Variants in DIAPH2 observed in about 807,000 individuals in gnomAD.
The protein encoded by DIAPH2 is protein diaphanous homolog 2.
A neutral mutation model predicts 92.7 loss-of-function variants in DIAPH2; 35 were observed. The observed-to-expected ratio is 0.38, with a 90% confidence interval of 0.29 to 0.50. The LOEUF (loss-of-function observed/expected upper bound fraction) is 0.50. Ranked by LOEUF, DIAPH2 falls within the 20% of genes least tolerant of loss-of-function variation. The probability of loss-of-function intolerance (pLI) is 0.94; values close to 1 mark genes in which losing one functional copy is unlikely to be tolerated. For synonymous variants in DIAPH2, 301 were observed against 280.4 expected (o/e 1.07, Z -0.73); for missense variants, 701 against 819.5 (o/e 0.86, Z 1.77).
chrX:96,734,646 G>A (rs1207065673), intron 1 of DIAPH2, among the ~76,000 whole-genome samples: 1 of 111,419 alleles, frequency 9.0e-6, no homozygotes, highest in East Asian at 2.8e-4. Context: ...GAGATTAGAA[G>A]TTTAGATCCC....
At chrX:96,796,172 AGTTTT>A (rs780958991) in intron 4 of DIAPH2, among the ~76,000 whole-genome samples, 53 of 110,189 alleles carry the variant, frequency 4.8e-4, no homozygotes, top group Admixed American at 2.5e-3. Flanking sequence ...TTTTATTTTT[AGTTTT>A]GTTTTGTTTT....
At chrX:96,847,917 G>A (rs1175702022) in intron 4 of DIAPH2, among the ~76,000 whole-genome samples, 1 of 111,467 alleles carries the variant, frequency 9.0e-6, no homozygotes, top group Non-Finnish European at 1.9e-5. Flanking sequence ...TTATCTTGTT[G>A]ATATGATTCT....
intron 9 of DIAPH2, among the ~76,000 whole-genome samples, chrX:96,921,058 T>C (rs1432517614): frequency 8.9e-6 from 1 of 112,152 alleles, no homozygotes; most frequent in Non-Finnish European, 1.9e-5. Flanking sequence ...TGTTGTATTT[T>C]AACAGAATGA....
chrX:96,987,539 C>A (rs968802899), intron 17 of DIAPH2, among the ~76,000 whole-genome samples: 2 of 111,200 alleles, frequency 1.8e-5, no homozygotes, highest in African/African-American at 6.5e-5. Flanking sequence ...TGCTTGCTTA[C>A]TTAGACTCAA....
intron 22 of DIAPH2, among the ~76,000 whole-genome samples, chrX:97,244,172 C>T (rs2068120952): frequency 8.9e-6 from 1 of 112,120 alleles, no homozygotes; most frequent in Non-Finnish European, 1.9e-5. Flanking sequence ...AAAGATTATA[C>T]ATGTGAAATT....
At chrX:97,054,614 G>A (rs969226696) in intron 17 of DIAPH2, among the ~76,000 whole-genome samples, 2 of 111,594 alleles carry the variant, frequency 1.8e-5, no homozygotes, top group African/African-American at 3.3e-5. Flanking sequence ...AAGGTATTCC[G>A]CAAAGGTATA....
In DIAPH2 at chrX:97,306,385, C is replaced by T. The variant is rs1380725562; in HGVS notation, c.2845-41731C>T. Among the ~76,000 whole-genome samples, 3 of 111,152 alleles carry T rather than the reference C, an allele frequency of 2.7e-5. No homozygotes were observed. The Admixed American group carries it at 2.9e-4, about 11-fold the overall frequency. ...TTTGTGGTATGTAGGGATAACCTTC[C>T]TGGCCCCTTTCTGTAAGCTGTCACC... On this transcript the variant is annotated intron_variant, in intron 23 of 26. Coordinates refer to ENST00000324765, the MANE Select transcript of DIAPH2 (RefSeq NM_006729.5).
chrX:97,338,033 T>A (rs1388041710), intron 23 of DIAPH2, among the ~76,000 whole-genome samples: 3 of 109,659 alleles, frequency 2.7e-5, no homozygotes, highest in African/African-American at 1.0e-4. Context: ...CCACCACGCC[T>A]GGCTAATTTT....
chrX:97,188,587 A>T (rs1488820446), intron 22 of DIAPH2, among the ~76,000 whole-genome samples: 2 of 112,292 alleles, frequency 1.8e-5, no homozygotes, highest in Non-Finnish European at 3.8e-5. Flanking sequence ...GTTTAAATTG[A>T]TTTCAACTTC....
At chrX:97,539,966 G>C (rs2071127202) in intron 26 of DIAPH2, among the ~76,000 whole-genome samples, 1 of 111,566 alleles carries the variant, frequency 9.0e-6, no homozygotes, top group African/African-American at 3.3e-5. Context: ...GATTATTTAG[G>C]ATTATGCTGA....
chrX:97,323,463 C>A (rs1338756954), intron 23 of DIAPH2, among the ~76,000 whole-genome samples: 4 of 104,256 alleles, frequency 3.8e-5, no homozygotes, highest in African/African-American at 1.4e-4. Context: ...TGGTGGCGGG[C>A]GCCTGTAGTC....
intron 25 of DIAPH2, among the ~76,000 whole-genome samples, chrX:97,418,957 A>G (rs1467383186): frequency 9.0e-6 from 1 of 111,709 alleles, no homozygotes; most frequent in Non-Finnish European, 1.9e-5. Flanking sequence ...AAGTAGACTT[A>G]TATTGAATGT....
At chrX:97,163,605 G>C (rs1008219410) in intron 22 of DIAPH2, among the ~76,000 whole-genome samples, 2 of 112,061 alleles carry the variant, frequency 1.8e-5, no homozygotes, top group Non-Finnish European at 3.8e-5. Flanking sequence ...AGTGACTGAA[G>C]CTTTTCTAGA....
chrX:97,121,891 T>G (rs1197400320), intron 21 of DIAPH2, among the ~76,000 whole-genome samples: 2 of 112,131 alleles, frequency 1.8e-5, no homozygotes, highest in Non-Finnish European at 3.8e-5. Flanking sequence ...TTATAGTTTA[T>G]AAAGTGTTTT....
intron 23 of DIAPH2, among the ~76,000 whole-genome samples, chrX:97,301,943 A>G (rs947067208): frequency 9.0e-6 from 1 of 111,328 alleles, no homozygotes; most frequent in Non-Finnish European, 1.9e-5. Context: ...GGCCGAGCAC[A>G]GTGGCTCACG....
At chrX:97,514,870 C>G (rs925869895) in intron 26 of DIAPH2, among the ~76,000 whole-genome samples, 3 of 111,730 alleles carry the variant, frequency 2.7e-5, no homozygotes, top group African/African-American at 9.8e-5. Context: ...TGCCCGTTCT[C>G]AGATCTCCAG....
intron 26 of DIAPH2, among the ~76,000 whole-genome samples, chrX:97,477,014 CACACACACACAT>C (rs1421375353): frequency 2.1e-5 from 2 of 96,325 alleles, no homozygotes; most frequent in African/African-American, 3.9e-5. Flanking sequence ...CACACACACA[CACACACACACAT>C]ACACACACAC....
At chrX:97,372,007 A>T (rs1307043063) in intron 24 of DIAPH2, among the ~76,000 whole-genome samples, 3 of 112,618 alleles carry the variant, frequency 2.7e-5, no homozygotes, top group African/African-American at 9.7e-5. Context: ...TCCCTTCCAG[A>T]TGGAGATAAA....
chrX:97,468,784 A>G (rs2070537220), intron 26 of DIAPH2, among the ~76,000 whole-genome samples: 1 of 111,649 alleles, frequency 9.0e-6, no homozygotes, highest in African/African-American at 3.2e-5. Flanking sequence ...AAAACATTAT[A>G]TCCATGTGGC....
Sources: allele counts gnomAD v4.1 joint callset (sites outside exome capture counted in the v4.1 genomes callset), GRCh38; gene constraint gnomAD v4.1.1; transcripts MANE v1.5; gene names NCBI Gene and HGNC (gene_info 2026-07-23, HGNC 2026-07-21).